The following ILKAP variants were observed in gnomAD, a reference collection of about 807,000 sequenced individuals.
The protein encoded by ILKAP is integrin-linked kinase-associated serine/threonine phosphatase 2C.
ILKAP carries 11 observed loss-of-function variants against 49.1 expected under a neutral mutation model. That is an observed-to-expected ratio of 0.22 (90% CI 0.14 to 0.37). The LOEUF is 0.37. Among genes scored for constraint, ILKAP ranks in the 10% least tolerant of loss-of-function variants. The pLI, the probability that ILKAP is intolerant of heterozygous loss-of-function variation, is 1.00. For missense variants in ILKAP, 363 were observed against 510.8 expected (o/e 0.71, Z 2.79); for synonymous variants, 186 against 192.8 (o/e 0.96, Z 0.29).
At chr2:238,185,459 A>G (rs1157305440) in intron 5 of ILKAP, 172 bp from the exon 6 acceptor site, 9 of 527,056 alleles carry the variant, frequency 1.7e-5, no homozygotes, top group Non-Finnish European at 2.7e-5. Flanking sequence ...TTTAACTGAG[A>G]CAAATATTTA....
Position 238,170,630 on chromosome 2 carries a change from C to A in ILKAP, c.1085G>T (p.Arg362Leu). ...CAGCCTGTTGCAGGCTGCTTCGTAG[C>A]GGGCGTCGGCTGCGGACTTCCCTTC... ...TREGKSAADA[R>L]YEAACNRLAN... Residue 362 changes from arginine to leucine, a missense_variant, in exon 12 of 12, where the codon CGC becomes CTC. Arg to Leu is a moderately radical substitution (Grantham distance 102). Around this residue, in one of 3 missense-constraint regions of ILKAP, gnomAD observed 83 missense variants for 87.5 expected, o/e 0.95. Transcript: ENST00000254654. The A allele has an allele frequency of 1.2e-6, 2 of 1,602,976 alleles. No individual in the cohort carries two copies. Among genetic ancestry groups the A allele is most frequent in the South Asian group, 2.2e-5 (2 of 90,692 alleles).
chr2:238,186,794 A>C (rs1217720964), intron 5 of ILKAP: 2 of 151,726 alleles, frequency 1.3e-5, no homozygotes, highest in Non-Finnish European at 2.9e-5. Flanking sequence ...ATTCCTTTTC[A>C]ATTTAGGACA....
chr2:238,181,623 T>G (rs1280681826), intron 9 of ILKAP, among the ~76,000 whole-genome samples: 1 of 141,082 alleles, frequency 7.1e-6, no homozygotes, highest in African/African-American at 2.6e-5. Context: ...GTTTTTTTTT[T>G]GGTTTTTTTT....
intron 1 of ILKAP, among the ~76,000 whole-genome samples, chr2:238,199,456 T>C (rs1298189126): frequency 1.3e-5 from 2 of 152,232 alleles, no homozygotes; most frequent in Non-Finnish European, 2.9e-5. Flanking sequence ...GGTGAAAAGG[T>C]AAATAGTTCC....
intron 9 of ILKAP, among the ~76,000 whole-genome samples, chr2:238,180,589 T>C (rs992070402): frequency 1.3e-5 from 2 of 152,126 alleles, no homozygotes; most frequent in African/African-American, 4.8e-5. Flanking sequence ...CAGCCAGCCC[T>C]GGCCTCAGGC....
At chr2:238,177,285 T>C (rs1693501854) in intron 9 of ILKAP, among the ~76,000 whole-genome samples, 2 of 152,234 alleles carry the variant, frequency 1.3e-5, no homozygotes, top group Admixed American at 6.5e-5. Context: ...TTTTGAAGCA[T>C]GCAACAGGGA....
chr2:238,190,504 G>C (rs927337762), intron 3 of ILKAP, among the ~76,000 whole-genome samples: 1 of 152,180 alleles, frequency 6.6e-6, no homozygotes, highest in African/African-American at 2.4e-5. Context: ...AAGGGAATCT[G>C]CAGTGTATGT....
In ILKAP at chr2:238,173,526, C is replaced by CA. The variant is rs386393004; in HGVS notation, c.956+7_956+8insT. On this transcript the variant is annotated splice_region_variant and intron_variant, in intron 10 of 11. Coordinates refer to ENST00000254654, the MANE Select transcript of ILKAP (RefSeq NM_030768.3). Reference sequence around the variant, plus strand: ...ACACACACCTGTGCCTCTTATAGGGCCTTTTACCTGTCATTGGGGGTCAGC... The same window carrying CA: ...ACACACACCTGTGCCTCTTATAGGGCACTTTTACCTGTCATTGGGGGTCAGC... 1 of 1,465,740 alleles carries CA rather than the reference C, an allele frequency of 6.8e-7. No individual in the cohort carries two copies. The highest frequency in any genetic ancestry group is 2.2e-5 in the Admixed American group (1 of 45,030). The allele number at this position is 1,465,740 out of a possible 1,614,324, so 90.8% of individuals were successfully genotyped here. A position where few individuals can be genotyped will look rare whatever the true frequency, so the allele number is the denominator to read the frequency against.
Position 238,188,181 on chromosome 2 carries a change from G to C in ILKAP, c.375C>G (p.His125Gln). ...CCTCGGTGATGTCGTTCAGGATGAC[G>C]TGGGCATCCTGCATCTCCTCCCTCT... ...KGEREEMQDA[H>Q]VILNDITEEC... Residue 125 changes from histidine (H) to glutamine (Q), a missense_variant, in exon 5 of 12, where the codon CAC becomes CAG. By Grantham distance (24) the His-to-Gln change is conservative. This residue lies in a region of ILKAP where 166 missense variants were observed against 307.3 expected (regional missense o/e 0.54). Transcript: ENST00000254654. 6.2e-7 allele frequency: 1 copy of C among 1,613,836 alleles called. No individual in the cohort carries two copies. Among genetic ancestry groups the C allele is most frequent in the Non-Finnish European group, 8.5e-7 (1 of 1,179,794 alleles).
chr2:238,185,311 A>G (rs1351694621), intron 5 of ILKAP, 24 bp from the exon 6 acceptor site: 2 of 1,443,812 alleles, frequency 1.4e-6, no homozygotes, highest in Non-Finnish European at 1.9e-6. Context: ...TTGAGAGTTA[A>G]TCAAATTCTC....
intron 3 of ILKAP, among the ~76,000 whole-genome samples, chr2:238,192,534 C>T (rs1053778382): frequency 2.0e-5 from 3 of 151,852 alleles, no homozygotes; most frequent in Non-Finnish European, 2.9e-5. Flanking sequence ...CCCATCTCTA[C>T]TAAAAATACA....
At chr2:238,171,767 C>A (rs1693229466) in intron 10 of ILKAP, among the ~76,000 whole-genome samples, 1 of 152,202 alleles carries the variant, frequency 6.6e-6, no homozygotes, top group South Asian at 2.1e-4. Context: ...TGGGCACACA[C>A]TGCACAGCTT....
Position 238,203,500 on chromosome 2 carries a change from G to A in ILKAP, c.54C>T (p.Ala18=). ...CGGCCCGGCGGCAACGCCGCTTACC[G>A]GCAGCCGGGCGCGGCGAGCGCTCGG... ...PEPERSPRPA[A]GKEAQKGPLL... The change falls in exon 1 of 12, where the codon GCC becomes GCT. Residue 18 remains alanine, a splice_region_variant and synonymous_variant. Transcript: ENST00000254654. The A allele has an allele frequency of 1.6e-6, 2 of 1,251,722 alleles. No individual in the cohort carries two copies. Among genetic ancestry groups the A allele is most frequent in the East Asian group, 4.0e-5 (1 of 24,762 alleles). 77.5% of individuals were successfully genotyped at this position (1,251,722 alleles called of 1,614,324 possible).
intron 4 of ILKAP, among the ~76,000 whole-genome samples, chr2:238,188,840 T>C (rs1004217240): frequency 3.3e-5 from 5 of 152,226 alleles, no homozygotes; most frequent in African/African-American, 7.2e-5. Flanking sequence ...TATTTTCTGA[T>C]ACCTAATGCC....
rs145921716 is a variant in ILKAP at position 238,177,734 on chromosome 2, G to A, written c.837-4081C>T. 5.5e-4 allele frequency among the ~76,000 whole-genome samples: 83 copies of A among 152,214 alleles called. 1 individual carries two copies. Among genetic ancestry groups the A allele is most frequent in the Admixed American group, 5.2e-3 (80 of 15,288 alleles). ...TCTATTCATCTGTCAATGAACATTT[G>A]GGTTGCTTCCCCCTTTTCCCCATGG... On this transcript the variant is annotated intron_variant, in intron 9 of 11. Coordinates refer to ENST00000254654, the MANE Select transcript of ILKAP (RefSeq NM_030768.3).
chr2:238,178,968 T>C (rs1257752376), intron 9 of ILKAP, among the ~76,000 whole-genome samples: 4 of 152,192 alleles, frequency 2.6e-5, no homozygotes, highest in African/African-American at 9.7e-5. Context: ...CTCTTTTTTA[T>C]TTTTTGGTAT....
intron 9 of ILKAP, among the ~76,000 whole-genome samples, chr2:238,177,606 A>G (rs1326903574): frequency 6.6e-6 from 1 of 152,186 alleles, no homozygotes; most frequent in African/African-American, 2.4e-5. Flanking sequence ...TCTTTTACTT[A>G]GCATAAAGTC....
At chr2:238,184,793 G>A (rs1405638507) in intron 6 of ILKAP, among the ~76,000 whole-genome samples, 3 of 151,872 alleles carry the variant, frequency 2.0e-5, no homozygotes, top group South Asian at 2.1e-4. Flanking sequence ...AAACTCCTGG[G>A]CTTGAGTGAT....
chr2:238,182,057 T>C lies in ILKAP; in HGVS notation c.836+8A>G, dbSNP rs200293852. Reference sequence around the variant, plus strand: ...CTTCCCATGAGCTCCTCTCAGTCCCTTGGTTACCTGACGTTTCCTCCAGCC... The same window carrying C: ...CTTCCCATGAGCTCCTCTCAGTCCCCTGGTTACCTGACGTTTCCTCCAGCC... On this transcript the variant is annotated splice_region_variant and intron_variant, in intron 9 of 11. Coordinates refer to ENST00000254654, the MANE Select transcript of ILKAP (RefSeq NM_030768.3). The C allele has an allele frequency of 1.9e-4, 311 of 1,612,896 alleles. 2 individuals carry two copies. The Middle Eastern group carries it at 2.6e-3, about 14-fold the overall frequency.
Sources: gnomAD v4.1 joint callset for allele counts (sites outside exome capture counted in the v4.1 genomes callset) on GRCh38, gnomAD v4.1.1 for gene constraint, gnomAD v4.1.1 regional missense constraint, MANE v1.5 for transcripts, NCBI Gene and HGNC (gene_info 2026-07-23, HGNC 2026-07-21) for gene names.